Variants in ADAM17 observed in about 807,000 individuals in gnomAD.
ADAM17 encodes ADAM metallopeptidase domain 17.
Under a neutral mutation model 96.7 loss-of-function variants are expected in ADAM17, and 39 were observed. That is an observed-to-expected ratio of 0.40 (90% CI 0.31 to 0.53). The LOEUF (loss-of-function observed/expected upper bound fraction) is 0.53. Ranked by LOEUF, ADAM17 falls within the 20% of genes least tolerant of loss-of-function variation. The pLI is 0.44. For synonymous variants in ADAM17, 344 were observed against 359.2 expected (o/e 0.96, Z 0.48); for missense variants, 777 against 1,013.2 (o/e 0.77, Z 3.17).
At chr2:9,494,444 C>T (rs1317380278) in intron 15 of ADAM17, among the ~76,000 whole-genome samples, 193 bp downstream of exon 15, 2 of 152,184 alleles carry the variant, frequency 1.3e-5, no homozygotes, top group African/African-American at 2.4e-5. Flanking sequence ...CCTCCCACCA[C>T]AGAAGGAAAC....
At chr2:9,545,282 G>T (rs867248227) in intron 1 of ADAM17, among the ~76,000 whole-genome samples, 1 of 152,056 alleles carries the variant, frequency 6.6e-6, no homozygotes, top group Non-Finnish European at 1.5e-5. Context: ...GAAAATCACT[G>T]AACTGGCTGG....
intron 4 of ADAM17, among the ~76,000 whole-genome samples, chr2:9,531,622 A>G (rs1343456299): frequency 6.6e-6 from 1 of 152,138 alleles, no homozygotes; most frequent in Non-Finnish European, 1.5e-5. Flanking sequence ...GAAATGCTTG[A>G]ACCTGGGAGG....
At chr2:9,517,266 AG>A (rs1326194482) in intron 10 of ADAM17, among the ~76,000 whole-genome samples, 2 of 152,238 alleles carry the variant, frequency 1.3e-5, no homozygotes, top group East Asian at 3.8e-4. Context: ...ACATAGCTGG[AG>A]AAAAACAAGA....
intron 10 of ADAM17, among the ~76,000 whole-genome samples, chr2:9,514,548 T>TATATATATAC (rs1663945783): frequency 1.2e-5 from 1 of 82,522 alleles, no homozygotes; most frequent in African/African-American, 4.1e-5. Context: ...TATATATATA[T>TATATATATAC]ATATATATAT....
chr2:9,531,869 A>G (rs572978901), intron 4 of ADAM17, among the ~76,000 whole-genome samples: 4 of 152,298 alleles, frequency 2.6e-5, no homozygotes, highest in African/African-American at 9.6e-5. Flanking sequence ...AGGCCAAGCA[A>G]GAGGATTGCT....
chr2:9,555,313 C>T (rs189625157), intron 1 of ADAM17, among the ~76,000 whole-genome samples, 196 bp downstream of exon 1: 7 of 152,322 alleles, frequency 4.6e-5, no homozygotes, highest in East Asian at 3.9e-4. Context: ...AGCCCTTTCC[C>T]ACTCAGAGAC....
chr2:9,542,985 A>C (rs922856246), intron 2 of ADAM17, among the ~76,000 whole-genome samples, 168 bp downstream of exon 2: 1 of 152,244 alleles, frequency 6.6e-6, no homozygotes, highest in Non-Finnish European at 1.5e-5. Flanking sequence ...GGCGTGAGCC[A>C]CTGCACCCAG....
intron 1 of ADAM17, among the ~76,000 whole-genome samples, chr2:9,545,537 T>C (rs535282830): frequency 6.6e-6 from 1 of 151,774 alleles, no homozygotes; most frequent in South Asian, 2.1e-4. Flanking sequence ...ACCACTACTC[T>C]CCAGCCTGGG....
chr2:9,511,142 A>T (rs977918246), intron 10 of ADAM17, among the ~76,000 whole-genome samples: 5 of 152,238 alleles, frequency 3.3e-5, no homozygotes, highest in Admixed American at 6.5e-5. Flanking sequence ...AGGAAAAAAA[A>T]AGCAAGGGGT....
chr2:9,552,761 T>G (rs1665622818), intron 1 of ADAM17, among the ~76,000 whole-genome samples: 1 of 152,202 alleles, frequency 6.6e-6, no homozygotes, highest in African/African-American at 2.4e-5. Flanking sequence ...ATGACTAAGC[T>G]CATATGACTC....
intron 2 of ADAM17, among the ~76,000 whole-genome samples, chr2:9,542,021 C>T (rs1665224943): frequency 6.6e-6 from 1 of 152,184 alleles, no homozygotes; most frequent in African/African-American, 2.4e-5. Context: ...GCCTGGACGA[C>T]AGAGCAAGAC....
chr2:9,535,215 T>C (rs1240071417), intron 4 of ADAM17, among the ~76,000 whole-genome samples: 1 of 152,248 alleles, frequency 6.6e-6, no homozygotes, highest in Non-Finnish European at 1.5e-5. Context: ...ATTTTAGTGA[T>C]ATCACCACCA....
chr2:9,499,847 C>T (rs957748547), intron 13 of ADAM17, among the ~76,000 whole-genome samples: 1 of 152,186 alleles, frequency 6.6e-6, no homozygotes, highest in Admixed American at 6.5e-5. Flanking sequence ...CCCTGAAGAC[C>T]TCCAGCTTTC....
rs55909096 is a variant in ADAM17, at chr2:9,520,964, C to CAAAAAAAAAAAAAAAAA, written c.957+222_957+238dup. On this transcript the variant is annotated intron_variant, in intron 8 of 18. Coordinates refer to ENST00000310823, the MANE Select transcript of ADAM17 (RefSeq NM_003183.6). ...GGGCAACAAGAGTGAAACTCTGTCT[C>CAAAAAAAAAAAAAAAAA]AAAAAAAAAAAAAAAAAAAAAAGGA... 2.4e-3 allele frequency among the ~76,000 whole-genome samples: 62 copies of CAAAAAAAAAAAAAAAAA among 26,270 alleles called. 3 individuals are homozygous for CAAAAAAAAAAAAAAAAA. Among genetic ancestry groups the CAAAAAAAAAAAAAAAAA allele is most frequent in the African/African-American group, 3.5e-3 (28 of 8,072 alleles). The allele number at this position is 26,270 out of a possible 152,430, so 17.2% of individuals were successfully genotyped here. A position where few individuals can be genotyped will look rare whatever the true frequency, so the allele number is the denominator to read the frequency against.
rs747070833 is a variant in ADAM17 at position 9,555,612 on chromosome 2, G to A, written c.-7C>T. 1.7e-5 allele frequency: 26 copies of A among 1,560,418 alleles called. No individual in the cohort carries two copies. The highest frequency in any genetic ancestry group is 2.3e-5 in the Non-Finnish European group (26 of 1,151,532). On this transcript the variant is annotated 5_prime_UTR_variant, in exon 1 of 19. Transcript: ENST00000310823. ...ATAGGAGAGACTGCCTCATGTTCCC[G>A]GCCCCGCTACCGACTCCACCTCTCT...
chr2:9,495,427 A>C lies in ADAM17; in HGVS notation c.1784-660T>G, dbSNP rs1410330987. Reference sequence around the variant, plus strand: ...ACAAGCAAAAAGAAAACCTTTTCAGAAAAGGCCGGGAGCAGTGGCTCTCGC... The same window carrying C: ...ACAAGCAAAAAGAAAACCTTTTCAGCAAAGGCCGGGAGCAGTGGCTCTCGC... On this transcript the variant is annotated intron_variant, in intron 14 of 18. Transcript: ENST00000310823. Among the ~76,000 whole-genome samples the C allele has an allele frequency of 3.9e-5, 6 of 152,356 alleles. No individual in the cohort carries two copies. The South Asian group carries it at 1.2e-3, about 32-fold the overall frequency.
At chr2:9,532,622 C>T (rs1157385156) in intron 4 of ADAM17, among the ~76,000 whole-genome samples, 2 of 151,318 alleles carry the variant, frequency 1.3e-5, no homozygotes, top group African/African-American at 4.9e-5. Flanking sequence ...CAGGCATGTG[C>T]CACCATGCCC....
intron 4 of ADAM17, among the ~76,000 whole-genome samples, chr2:9,528,204 C>T (rs1476397650): frequency 6.6e-6 from 1 of 152,092 alleles, no homozygotes; most frequent in East Asian, 1.9e-4. Context: ...ATACTTTGCA[C>T]GTTGTGAAAT....
chr2:9,536,133 T>C (rs1664950878), intron 3 of ADAM17, among the ~76,000 whole-genome samples: 1 of 152,102 alleles, frequency 6.6e-6, no homozygotes, highest in Admixed American at 6.6e-5. Context: ...ACCTATCCCT[T>C]TCCCAAAACA....
Sources: gnomAD v4.1 joint callset for allele counts (sites outside exome capture counted in the v4.1 genomes callset) on GRCh38, gnomAD v4.1.1 for gene constraint, MANE v1.5 for transcripts, NCBI Gene and HGNC (gene_info 2026-07-23, HGNC 2026-07-21) for gene names.